The following JMJD1C variants were observed in gnomAD, a reference collection of about 807,000 sequenced individuals.
JMJD1C encodes jumonji domain containing 1C, also known as jumonji domain-containing protein 1C.
A neutral mutation model predicts 245.3 loss-of-function variants in JMJD1C; 31 were observed. The ratio of observed to expected loss-of-function variants is 0.13; its 90% CI spans 0.09 to 0.17. The LOEUF is 0.17. JMJD1C is among the 10% of genes least tolerant of loss of function. The pLI is 1.00. For missense variants in JMJD1C, 2,691 were observed against 3,000.2 expected (o/e 0.90, Z 2.41); for synonymous variants, 1,057 against 1,017.4 (o/e 1.04, Z -0.74).
At chr10:63,471,963 G>A (rs1364648127) in intron 1 of JMJD1C, among the ~76,000 whole-genome samples, 4 of 152,056 alleles carry the variant, frequency 2.6e-5, no homozygotes, top group African/African-American at 7.2e-5. Flanking sequence ...ACTTGAACGC[G>A]GGAAGCAAGA....
At chr10:63,500,004 A>G (rs1954492077) in intron 1 of JMJD1C, among the ~76,000 whole-genome samples, 1 of 152,238 alleles carries the variant, frequency 6.6e-6, no homozygotes, top group African/African-American at 2.4e-5. Context: ...ACATATTCAT[A>G]TTAGGTAGAT....
At chr10:63,381,429 C>T (rs1947206023) in intron 1 of JMJD1C, among the ~76,000 whole-genome samples, 1 of 152,188 alleles carries the variant, frequency 6.6e-6, no homozygotes, top group African/African-American at 2.4e-5. Flanking sequence ...AGGAGGATCA[C>T]TTGAGCCCAG....
At chr10:63,490,877 A>C (rs1954151488) in intron 1 of JMJD1C, among the ~76,000 whole-genome samples, 1 of 148,346 alleles carries the variant, frequency 6.7e-6, no homozygotes, top group African/African-American at 2.4e-5. Flanking sequence ...TAAATAAAGG[A>C]GGCATTAATA....
At chr10:63,430,608 T>G (rs1432778764) in intron 1 of JMJD1C, among the ~76,000 whole-genome samples, 1 of 152,198 alleles carries the variant, frequency 6.6e-6, no homozygotes, top group Admixed American at 6.5e-5. Context: ...GGAACACAAG[T>G]GACTGCTAAC....
intron 3 of JMJD1C, among the ~76,000 whole-genome samples, chr10:63,260,881 G>C (rs187235802): frequency 3.2e-4 from 48 of 152,162 alleles, no homozygotes; most frequent in Non-Finnish European, 5.1e-4. Flanking sequence ...ATGAGCCACC[G>C]TGCCTGGCGT....
At chr10:63,229,715 T>A (rs1282709876) in intron 3 of JMJD1C, among the ~76,000 whole-genome samples, 3 of 152,174 alleles carry the variant, frequency 2.0e-5, no homozygotes, top group Non-Finnish European at 4.4e-5. Context: ...TTTTATTGGC[T>A]AAAAAAGGAT....
intron 8 of JMJD1C, among the ~76,000 whole-genome samples, chr10:63,212,872 AT>A (rs1207871439): frequency 6.6e-6 from 1 of 151,016 alleles, no homozygotes; most frequent in Non-Finnish European, 1.5e-5. Flanking sequence ...ATAATTATGT[AT>A]AATTTTGTGT....
intron 1 of JMJD1C, among the ~76,000 whole-genome samples, chr10:63,420,769 C>G (rs1430143384): frequency 6.9e-6 from 1 of 145,090 alleles, no homozygotes. Flanking sequence ...GTTAAGAACA[C>G]CTGACAAAAT....
At chr10:63,263,719 G>C (rs142249427) in intron 3 of JMJD1C, among the ~76,000 whole-genome samples, 1,991 of 152,100 alleles carry the variant, frequency 0.013, 28 homozygotes, top group African/African-American at 0.034. Context: ...ACCACTTGAG[G>C]TCAGGAGTTC....
At chr10:63,465,350 G>A (rs1428030720) in intron 1 of JMJD1C, 145 bp downstream of exon 1, 6 of 829,136 alleles carry the variant, frequency 7.2e-6, no homozygotes, top group African/African-American at 6.9e-5. Context: ...CAAGGGATGC[G>A]GGCAAACGCG....
chr10:63,195,737 G>C (rs1267463023), intron 13 of JMJD1C, among the ~76,000 whole-genome samples: 1 of 150,882 alleles, frequency 6.6e-6, no homozygotes, highest in Non-Finnish European at 1.5e-5. Context: ...TCAGGAGATC[G>C]AGACCACGGT....
At chr10:63,457,511 TAAC>T (rs2133064461) in intron 1 of JMJD1C, among the ~76,000 whole-genome samples, 1 of 151,974 alleles carries the variant, frequency 6.6e-6, no homozygotes, top group Admixed American at 6.6e-5. Context: ...ACAAAGGAAA[TAAC>T]AAGATTAAAA....
intron 2 of JMJD1C, among the ~76,000 whole-genome samples, chr10:63,279,871 C>A (rs145465160): frequency 6.6e-6 from 1 of 152,260 alleles, no homozygotes; most frequent in East Asian, 1.9e-4. Context: ...CTTGAATAGG[C>A]TGGACACGGT....
Position 63,208,512 on chromosome 10 carries a change from C to T in JMJD1C, c.3157G>A (p.Ala1053Thr). The T allele has an allele frequency of 1.9e-6, 3 of 1,614,002 alleles. No homozygotes were observed. The highest frequency in any genetic ancestry group is 1.1e-5 in the South Asian group (1 of 91,072). The change falls in exon 10 of 26, where the codon GCA (alanine) becomes ACA (threonine). Residue 1053 changes from alanine (A) to threonine (T), a missense_variant. Physicochemically the swap from Ala to Thr is moderately conservative, Grantham distance 58 (BLOSUM62 0). Around this residue, in one of 9 missense-constraint regions of JMJD1C, gnomAD observed 1,562 missense variants for 1,490.7 expected, o/e 1.05. Transcript: ENST00000399262. ...CTTTTAGGACTGGAAGATGATGATG[C>T]CACTCTGGAATAATTCTCTCTCTCA... is the stretch of plus-strand genomic sequence containing the variant. ...EGERENYSRV[A>T]SSSSSPKSHI...
At chr10:63,222,463 T>C (rs982691849) in intron 3 of JMJD1C, 1 of 977,596 alleles carries the variant, frequency 1.0e-6, no homozygotes, top group African/African-American at 1.6e-5. Flanking sequence ...ATGAAAACAA[T>C]AAAGGGAAAG....
chr10:63,277,066 A>G (rs1271234576), intron 2 of JMJD1C, among the ~76,000 whole-genome samples: 3 of 151,250 alleles, frequency 2.0e-5, no homozygotes, highest in African/African-American at 7.3e-5. Context: ...TATTTTTAGT[A>G]GAGACAGGGT....
intron 4 of JMJD1C, among the ~76,000 whole-genome samples, chr10:63,218,551 T>C (rs946268011): frequency 1.3e-5 from 2 of 152,090 alleles, no homozygotes; most frequent in Non-Finnish European, 2.9e-5. Context: ...ACTCCAAATA[T>C]GATCAGTTTT....
At chr10:63,200,829 T>C (rs932768449) in intron 10 of JMJD1C, 152 bp from the exon 11 acceptor site, 1 of 666,068 alleles carries the variant, frequency 1.5e-6, no homozygotes. Flanking sequence ...TACTGATTAA[T>C]GACTAAAAAG....
chr10:63,231,772 C>T (rs980515424), intron 3 of JMJD1C, among the ~76,000 whole-genome samples: 13 of 152,040 alleles, frequency 8.6e-5, no homozygotes, highest in African/African-American at 3.1e-4. Flanking sequence ...CCAGCCTAGG[C>T]GACAGAGCGA....
Sources: gnomAD v4.1 joint callset for allele counts (sites outside exome capture counted in the v4.1 genomes callset) on GRCh38, gnomAD v4.1.1 for gene constraint, gnomAD v4.1.1 regional missense constraint, MANE v1.5 for transcripts, NCBI Gene and HGNC (gene_info 2026-07-23, HGNC 2026-07-21) for gene names.